The following HS6ST3 variants were observed in gnomAD, a reference collection of about 807,000 sequenced individuals.
HS6ST3 encodes heparan sulfate 6-O-sulfotransferase 3, also known as heparan-sulfate 6-O-sulfotransferase 3.
Under a neutral mutation model 36.7 loss-of-function variants are expected in HS6ST3, and 12 were observed. The ratio of observed to expected loss-of-function variants is 0.33; its 90% CI spans 0.21 to 0.53. The LOEUF is 0.53. Among genes scored for constraint, HS6ST3 ranks in the 20% least tolerant of loss-of-function variants. The pLI is 0.95. For synonymous variants in HS6ST3, 240 were observed against 257.5 expected, an observed-to-expected ratio of 0.93 and a Z score of 0.65; for missense variants, 584 against 640.9, an observed-to-expected ratio of 0.91 and a Z score of 0.96.
intron 1 of HS6ST3, among the ~76,000 whole-genome samples, chr13:96,725,159 G>T (rs1875971027): frequency 6.6e-6 from 1 of 152,074 alleles, no homozygotes; most frequent in Admixed American, 6.5e-5. Context: ...GAACTTATTT[G>T]CTCTTCACAT....
rs186850939 is a variant in HS6ST3 at position 96,110,707 on chromosome 13, A to T, written c.707+19138A>T. Among the ~76,000 whole-genome samples, 59 of 152,234 alleles carry T rather than the reference A, an allele frequency of 3.9e-4. 1 individual carries two copies. The highest frequency in any genetic ancestry group is 1.3e-3 in the African/African-American group (56 of 41,558). On this transcript the variant is annotated intron_variant, in intron 1 of 1. Transcript: ENST00000376705. ...CCAAAGTGTTGGGATTACAGGCGTGAGCCACCACGCCTGGCCGGGGATCAC... is the reference window on the plus strand; with the variant it reads ...CCAAAGTGTTGGGATTACAGGCGTGTGCCACCACGCCTGGCCGGGGATCAC...
At chr13:96,202,041 A>G (rs1429423830) in intron 1 of HS6ST3, among the ~76,000 whole-genome samples, 3 of 152,234 alleles carry the variant, frequency 2.0e-5, no homozygotes, top group African/African-American at 7.2e-5. Context: ...CCATCTTAAT[A>G]TAGATCTGTT....
chr13:96,709,954 T>C (rs548379914), intron 1 of HS6ST3, among the ~76,000 whole-genome samples: 2 of 152,320 alleles, frequency 1.3e-5, no homozygotes, highest in Admixed American at 6.5e-5. Context: ...AAGAAACCCA[T>C]GCACAATTCA....
chr13:96,814,537 A>T (rs1378963446), intron 1 of HS6ST3, among the ~76,000 whole-genome samples: 1 of 152,040 alleles, frequency 6.6e-6, no homozygotes, highest in African/African-American at 2.4e-5. Flanking sequence ...TTCAATTTCA[A>T]TGCACAGTTT....
At chr13:96,249,878 G>T (rs561406236) in intron 1 of HS6ST3, among the ~76,000 whole-genome samples, 1 of 152,234 alleles carries the variant, frequency 6.6e-6, no homozygotes, top group South Asian at 2.1e-4. Context: ...CTTAGATGAG[G>T]TATCTAAAGA....
chr13:96,212,007 C>G (rs2054401433), intron 1 of HS6ST3, among the ~76,000 whole-genome samples: 1 of 152,224 alleles, frequency 6.6e-6, no homozygotes, highest in Non-Finnish European at 1.5e-5. Context: ...CACAATTTCT[C>G]TAACCAGAGT....
intron 1 of HS6ST3, among the ~76,000 whole-genome samples, chr13:96,466,260 G>A (rs1418143584): frequency 6.8e-6 from 1 of 147,446 alleles, no homozygotes; most frequent in Non-Finnish European, 1.5e-5. Flanking sequence ...CAGCCTGGGC[G>A]ACAGAGTGAG....
chr13:96,587,725 G>T (rs1046465154), intron 1 of HS6ST3, among the ~76,000 whole-genome samples: 1 of 152,154 alleles, frequency 6.6e-6, no homozygotes, highest in Non-Finnish European at 1.5e-5. Context: ...AATGAGGGTG[G>T]ATCCCTAATG....
intron 1 of HS6ST3, among the ~76,000 whole-genome samples, chr13:96,624,687 G>A (rs1341151523): frequency 1.3e-5 from 2 of 152,094 alleles, no homozygotes; most frequent in African/African-American, 4.8e-5. Flanking sequence ...TTATAAGTGA[G>A]ACATGTGGTA....
At chr13:96,549,434 T>G (rs1367702061) in intron 1 of HS6ST3, among the ~76,000 whole-genome samples, 3 of 152,182 alleles carry the variant, frequency 2.0e-5, no homozygotes, top group African/African-American at 7.2e-5. Flanking sequence ...ATTGGAATAT[T>G]AAATCCTCAT....
intron 1 of HS6ST3, among the ~76,000 whole-genome samples, chr13:96,199,279 A>T (rs778044243): frequency 9.1e-4 from 138 of 152,328 alleles, no homozygotes; most frequent in Admixed American, 3.7e-3. Context: ...TGCTTTATGG[A>T]GTTAAAATAG....
At chr13:96,785,052 C>G (rs373531174) in intron 1 of HS6ST3, among the ~76,000 whole-genome samples, 1 of 152,006 alleles carries the variant, frequency 6.6e-6, no homozygotes, top group African/African-American at 2.4e-5. Flanking sequence ...ACCTATAATC[C>G]CAGCTACTAG....
intron 1 of HS6ST3, among the ~76,000 whole-genome samples, chr13:96,825,477 G>C (rs1249278985): frequency 2.0e-5 from 3 of 152,146 alleles, no homozygotes; most frequent in Non-Finnish European, 2.9e-5. Context: ...TGGCAGGCGG[G>C]TGCATGGCAT....
At chr13:96,123,723 G>T (rs1381298818) in intron 1 of HS6ST3, among the ~76,000 whole-genome samples, 1 of 152,156 alleles carries the variant, frequency 6.6e-6, no homozygotes, top group African/African-American at 2.4e-5. Flanking sequence ...AATAAACTAG[G>T]GTTTATTCTC....
intron 1 of HS6ST3, among the ~76,000 whole-genome samples, chr13:96,470,731 A>G (rs2055836494): frequency 6.6e-6 from 1 of 152,036 alleles, no homozygotes; most frequent in African/African-American, 2.4e-5. Flanking sequence ...ATTTCTCTCA[A>G]TATTGGCCAT....
At chr13:96,647,220 A>T (rs758803959) in intron 1 of HS6ST3, among the ~76,000 whole-genome samples, 42 of 152,050 alleles carry the variant, frequency 2.8e-4, no homozygotes, top group Non-Finnish European at 5.3e-4. Flanking sequence ...TTACAAATAC[A>T]TTTATGAGAA....
intron 1 of HS6ST3, among the ~76,000 whole-genome samples, chr13:96,148,856 T>C (rs949250028): frequency 6.6e-6 from 1 of 152,032 alleles, no homozygotes; most frequent in African/African-American, 2.4e-5. Context: ...AATGATGGCA[T>C]GAAAAGATAA....
intron 1 of HS6ST3, among the ~76,000 whole-genome samples, chr13:96,830,537 A>AGT (rs1296462462): frequency 6.6e-6 from 1 of 152,166 alleles, no homozygotes; most frequent in Non-Finnish European, 1.5e-5. Context: ...TTTATCATCA[A>AGT]GTTTCTTTGA....
At chr13:96,467,615 A>G (rs1325806599) in intron 1 of HS6ST3, among the ~76,000 whole-genome samples, 1 of 152,166 alleles carries the variant, frequency 6.6e-6, no homozygotes, top group Non-Finnish European at 1.5e-5. Flanking sequence ...AGGAACAGAT[A>G]TCTGTGCTAA....
Sources: allele counts gnomAD v4.1 joint callset (sites outside exome capture counted in the v4.1 genomes callset), GRCh38; gene constraint gnomAD v4.1.1; transcripts MANE v1.5; gene names NCBI Gene and HGNC (gene_info 2026-07-23, HGNC 2026-07-21).